TRAPPC9: variants seen among roughly 807,000 people sequenced by gnomAD.
The protein encoded by TRAPPC9 is trafficking protein particle complex subunit 9, also known as IKK2 binding protein.
In TRAPPC9, 83 loss-of-function variants were observed where a neutral mutation model predicts 124.0. That is an observed-to-expected ratio of 0.67 (90% CI 0.56 to 0.80). The LOEUF (loss-of-function observed/expected upper bound fraction) is 0.80, where lower values mean the gene tolerates loss of function less well. Among genes scored for constraint, TRAPPC9 ranks in the 30% least tolerant of loss-of-function variants. The probability of loss-of-function intolerance (pLI) is 0.00; values close to 1 mark genes in which losing one functional copy is unlikely to be tolerated. For missense variants in TRAPPC9, 1,302 were observed against 1,508.3 expected (o/e 0.86, Z 2.27); for synonymous variants, 638 against 617.5 (o/e 1.03, Z -0.49).
In TRAPPC9 at chr8:139,885,878, C is replaced by T. The variant is rs539016732; in HGVS notation, c.3055+1G>A. 2 of 1,561,094 alleles carry T rather than the reference C, an allele frequency of 1.3e-6. No homozygotes were observed. Among genetic ancestry groups the T allele is most frequent in the East Asian group, 4.8e-5 (2 of 41,974 alleles). On this transcript the variant is annotated splice_donor_variant, in intron 21 of 22. Coordinates refer to ENST00000438773, the MANE Select transcript of TRAPPC9 (RefSeq NM_001160372.4). LOFTEE classifies it high-confidence loss of function. ...TCGATGGGTGGCTGGCGGGTACTCACCCCACTGCAGAGGCGCCAGCTGCAG... is the reference window on the plus strand; with the variant it reads ...TCGATGGGTGGCTGGCGGGTACTCATCCCACTGCAGAGGCGCCAGCTGCAG...
At chr8:140,015,296 C>T (rs1054300071) in intron 18 of TRAPPC9, among the ~76,000 whole-genome samples, 1 of 152,156 alleles carries the variant, frequency 6.6e-6, no homozygotes, top group African/African-American at 2.4e-5. Flanking sequence ...CTCCGGGCCT[C>T]GTTTGTGATG....
Position 139,932,220 on chromosome 8 carries a change from A to G in TRAPPC9, c.2811-21920T>C, listed in dbSNP as rs552253385. ...GCCAGGCAGGCCCCGCAGGCAGCCC[A>G]CAGAGCCACTTCGCCGTGCAGCCGA... On this transcript the variant is annotated intron_variant, in intron 19 of 22. Coordinates refer to ENST00000438773, the MANE Select transcript of TRAPPC9 (RefSeq NM_001160372.4). The G allele has an allele frequency of 2.7e-3, 1,136 of 424,002 alleles. 2 individuals are homozygous for G. Among genetic ancestry groups the G allele is most frequent in the Non-Finnish European group, 3.7e-3 (769 of 209,452 alleles). The allele number at this position is 424,002 out of a possible 1,614,324, so 26.3% of individuals were successfully genotyped here.
intron 17 of TRAPPC9, among the ~76,000 whole-genome samples, chr8:140,028,460 G>C (rs1840292426): frequency 6.6e-6 from 1 of 152,172 alleles, no homozygotes; most frequent in Non-Finnish European, 1.5e-5. Flanking sequence ...ACACCCAACT[G>C]CAACAGTCAT....
At chr8:139,809,801 C>T (rs907886615) in intron 21 of TRAPPC9, among the ~76,000 whole-genome samples, 3 of 152,138 alleles carry the variant, frequency 2.0e-5, no homozygotes, top group Admixed American at 6.5e-5. Context: ...ATATAAACGG[C>T]GGCCACCACC....
At chr8:139,792,799 C>T (rs1486859042) in intron 21 of TRAPPC9, among the ~76,000 whole-genome samples, 1 of 152,230 alleles carries the variant, frequency 6.6e-6, no homozygotes, top group East Asian at 1.9e-4. Flanking sequence ...AGCAATAGTG[C>T]TGCTATCTAG....
chr8:139,892,432 C>G (rs1830411021), intron 20 of TRAPPC9, among the ~76,000 whole-genome samples: 1 of 152,184 alleles, frequency 6.6e-6, no homozygotes, highest in African/African-American at 2.4e-5. Context: ...TGTCTGCCCT[C>G]AAGAATCTCA....
chr8:140,190,989 G>A (rs933829233), intron 17 of TRAPPC9, among the ~76,000 whole-genome samples: 2 of 152,130 alleles, frequency 1.3e-5, no homozygotes, highest in African/African-American at 4.8e-5. Context: ...CACGTCTGCT[G>A]TTAATCCCTG....
chr8:139,878,431 T>C (rs1055653356), intron 21 of TRAPPC9, among the ~76,000 whole-genome samples: 2 of 152,212 alleles, frequency 1.3e-5, no homozygotes, highest in South Asian at 2.1e-4. Context: ...CATGAGAATA[T>C]ATTCCTTTCA....
At chr8:139,985,561 C>G (rs759685380) in intron 19 of TRAPPC9, among the ~76,000 whole-genome samples, 1 of 152,116 alleles carries the variant, frequency 6.6e-6, no homozygotes, top group African/African-American at 2.4e-5. Flanking sequence ...CAGCCCCACG[C>G]GCATACCCAC....
intron 5 of TRAPPC9, among the ~76,000 whole-genome samples, chr8:140,411,788 G>C (rs529011770): frequency 6.6e-6 from 1 of 152,048 alleles, no homozygotes; most frequent in South Asian, 2.1e-4. Context: ...AATAGCAATG[G>C]ATTAGAACCT....
At chr8:140,108,506 G>T (rs1317043954) in intron 17 of TRAPPC9, among the ~76,000 whole-genome samples, 1 of 152,212 alleles carries the variant, frequency 6.6e-6, no homozygotes, top group Non-Finnish European at 1.5e-5. Context: ...GTAGCACAAA[G>T]CTCCCGCTCG....
At chr8:140,108,918 G>A (rs2060714988) in intron 17 of TRAPPC9, among the ~76,000 whole-genome samples, 2 of 152,116 alleles carry the variant, frequency 1.3e-5, no homozygotes, top group Non-Finnish European at 2.9e-5. Flanking sequence ...TATCCAGAGG[G>A]GAGATATTTT....
At chr8:139,750,853 T>C (rs955053770) in intron 21 of TRAPPC9, among the ~76,000 whole-genome samples, 1 of 152,220 alleles carries the variant, frequency 6.6e-6, no homozygotes, top group East Asian at 1.9e-4. Context: ...ATTTGTTTCC[T>C]GGAGCAGCAG....
At position 139,732,047 on chromosome 8, in the gene TRAPPC9, C is replaced by T. The variant is rs200963473; in HGVS notation, c.3211G>A (p.Gly1071Ser). 9.0e-5 allele frequency: 145 copies of T among 1,604,902 alleles called. No homozygotes were observed. The Middle Eastern group carries it at 4.0e-3, about 44-fold the overall frequency. The change falls in exon 22 of 23, where the codon GGC (glycine) becomes AGC (serine). Residue 1071 changes from glycine (G) to serine (S), a missense_variant. Physicochemically the swap from Gly to Ser is moderately conservative, Grantham distance 56 (BLOSUM62 0). This residue lies in a region of TRAPPC9 where 640 missense variants were observed against 679.3 expected (regional missense o/e 0.94). Transcript: ENST00000438773. ...TVVPFQDHQNGVHNYDLHDTV... is the reference protein window; with the variant it reads ...TVVPFQDHQNSVHNYDLHDTV... ...TCGTGCAGGTCGTAGTTGTGCACGC[C>T]GTTCTGGTGGTCCTGGAAGGGGACC... is the stretch of plus-strand genomic sequence containing the variant.
At chr8:140,073,149 T>G (rs1413849424) in intron 17 of TRAPPC9, among the ~76,000 whole-genome samples, 1 of 152,220 alleles carries the variant, frequency 6.6e-6, no homozygotes, top group Non-Finnish European at 1.5e-5. Flanking sequence ...TTTCTTATAG[T>G]TAAACCCACG....
intron 5 of TRAPPC9, among the ~76,000 whole-genome samples, chr8:140,421,509 A>G (rs1588323610): frequency 1.3e-5 from 2 of 152,296 alleles, no homozygotes; most frequent in East Asian, 1.9e-4. Context: ...TTTTCTATAC[A>G]TCTGAGAGAT....
At position 140,381,617 on chromosome 8, in the gene TRAPPC9, G is replaced by A. The variant is rs1034876423; in HGVS notation, c.1135-10437C>T. 3.0e-5 allele frequency among the ~76,000 whole-genome samples: 4 copies of A among 131,822 alleles called. No homozygotes were observed. The East Asian group carries it at 7.3e-4, about 24-fold the overall frequency. 86.5% of individuals were successfully genotyped at this position (131,822 alleles called of 152,430 possible). A position where few individuals can be genotyped will look rare whatever the true frequency, so the allele number is the denominator to read the frequency against. On this transcript the variant is annotated intron_variant, in intron 7 of 22. Transcript: ENST00000438773. ...CAGGAGGCGGAGGCTGCAGTGAGTCGAGATTGTGCCACTGCACTCCAGCCT... is the reference window on the plus strand; with the variant it reads ...CAGGAGGCGGAGGCTGCAGTGAGTCAAGATTGTGCCACTGCACTCCAGCCT...
intron 21 of TRAPPC9, among the ~76,000 whole-genome samples, chr8:139,863,850 C>T (rs763575801): frequency 2.6e-5 from 4 of 152,186 alleles, no homozygotes; most frequent in Admixed American, 6.5e-5. Context: ...GGATATGGAG[C>T]GGGCAAGGAG....
chr8:140,013,245 C>T (rs1839251037), intron 18 of TRAPPC9, among the ~76,000 whole-genome samples: 3 of 152,276 alleles, frequency 2.0e-5, no homozygotes, highest in South Asian at 4.2e-4. Flanking sequence ...ACCGTGACCC[C>T]GCCTCTCCGT....
Sources: gnomAD v4.1 joint callset for allele counts (sites outside exome capture counted in the v4.1 genomes callset) on GRCh38, gnomAD v4.1.1 for gene constraint, gnomAD v4.1.1 regional missense constraint, MANE v1.5 for transcripts, NCBI Gene and HGNC (gene_info 2026-07-23, HGNC 2026-07-21) for gene names.